Variants in ZNF354C observed in about 807,000 individuals in gnomAD.
ZNF354C encodes KRAB-zinc finger protein synten.
A neutral mutation model predicts 12.4 loss-of-function variants in ZNF354C; 7 were observed. That is an observed-to-expected ratio of 0.56 (90% CI 0.32 to 1.06). ZNF354C has a LOEUF of 1.06. Among genes scored for constraint, ZNF354C ranks in the 50% least tolerant of loss-of-function variants. The pLI is 0.04. For synonymous variants in ZNF354C, 202 were observed against 224.5 expected, an observed-to-expected ratio of 0.90 and a Z score of 0.90; for missense variants, 609 against 658.0, an observed-to-expected ratio of 0.93 and a Z score of 0.81.
At chr5:179,066,359 C>T (rs1033413156) in intron 2 of ZNF354C, among the ~76,000 whole-genome samples, 16 of 152,252 alleles carry the variant, frequency 1.1e-4, no homozygotes, top group African/African-American at 3.9e-4. Flanking sequence ...ACCCAATACA[C>T]TGTTACTATT....
At position 179,079,892 on chromosome 5, in the gene ZNF354C, A is replaced by C. The variant is rs1034580573; in HGVS notation, c.1460A>C (p.Glu487Ala). ...CAGTATTCATTTTTAACCGAACATG[A>C]GAGGATCCACACTGGAGAGAAACTG... ...FSQYSFLTEH[E>A]RIHTGEKLYK... Residue 487 changes from glutamate to alanine, a missense_variant, in exon 5 of 5, where the codon GAG becomes GCG. Coordinates refer to ENST00000315475, the MANE Select transcript of ZNF354C (RefSeq NM_014594.3). This position sits in a 1 kb window ranked among gnomAD's most constrained non-coding sequence, Gnocchi z 4.2. The C allele has an allele frequency of 6.2e-7, 1 of 1,613,798 alleles. No individual in the cohort carries two copies. The highest frequency in any genetic ancestry group is 8.5e-7 in the Non-Finnish European group (1 of 1,179,924).
Position 179,076,546 on chromosome 5 carries a change from G to A in ZNF354C, c.129G>A (p.Glu43=). The A allele has an allele frequency of 6.2e-7, 1 of 1,614,146 alleles. No homozygotes were observed. The part of the protein sequence containing the change: ...QRALYREVML[E]NYSSLVSLGI... ...CCTTGTACCGGGAGGTGATGCTGGAGAACTACAGCAGCCTGGTCTCACTGG... is the reference window on the plus strand; with the variant it reads ...CCTTGTACCGGGAGGTGATGCTGGAAAACTACAGCAGCCTGGTCTCACTGG... Residue 43 remains glutamate (E), a synonymous_variant, in exon 3 of 5, where the codon GAG becomes GAA. Transcript: ENST00000315475.
chr5:179,076,338 A>C, intron 2 of ZNF354C, 107 bp from the exon 3 acceptor site: 2 of 1,529,414 alleles, frequency 1.3e-6, no homozygotes, highest in Non-Finnish European at 1.8e-6. Flanking sequence ...GTTGACGTGA[A>C]TTATTAGAAT....
At chr5:179,077,544 G>C (rs1210071755) in intron 4 of ZNF354C, among the ~76,000 whole-genome samples, 1 of 152,166 alleles carries the variant, frequency 6.6e-6, no homozygotes, top group East Asian at 1.9e-4. Context: ...CCTACAAAGA[G>C]AGTGCAGTCT....
intron 3 of ZNF354C, 60 bp downstream of exon 3, chr5:179,076,631 T>C: frequency 6.3e-7 from 1 of 1,593,580 alleles, no homozygotes; most frequent in African/African-American, 1.3e-5. Context: ...GGTCCATCTT[T>C]GGGGTTCCGA....
intron 3 of ZNF354C, among the ~76,000 whole-genome samples, 163 bp downstream of exon 3, chr5:179,076,734 A>C (rs1351437503): frequency 1.3e-5 from 2 of 152,120 alleles, no homozygotes; most frequent in East Asian, 1.9e-4. Flanking sequence ...CCTTCTTGCT[A>C]TCTGTTTCTC....
intron 3 of ZNF354C, 64 bp from the exon 4 acceptor site, chr5:179,077,006 TA>T: frequency 7.2e-7 from 1 of 1,383,622 alleles, no homozygotes; most frequent in Non-Finnish European, 1.0e-6. Context: ...GAGTGAGTAG[TA>T]GGTCAGTTCT....
At chr5:179,064,310 C>T (rs1172998031) in intron 2 of ZNF354C, among the ~76,000 whole-genome samples, 5 of 152,048 alleles carry the variant, frequency 3.3e-5, no homozygotes, top group African/African-American at 9.7e-5. Context: ...GGTGCGATCT[C>T]GGCTCACTGC....
chr5:179,082,816 G>T lies in ZNF354C; in HGVS notation c.*2719G>T, dbSNP rs571062614. The T allele has an allele frequency of 2.3e-6, 3 of 1,320,698 alleles. No individual in the cohort carries two copies. Among genetic ancestry groups the T allele is most frequent in the South Asian group, 1.2e-5 (1 of 85,040 alleles). 81.8% of individuals were successfully genotyped at this position (1,320,698 alleles called of 1,614,324 possible). A position where few individuals can be genotyped will look rare whatever the true frequency, so the allele number is the denominator to read the frequency against. ...ATGTTCTTCAAGCGACTGACCAACC[G>T]ATCAGGTCGAGGAGCTGCAACAGCC... On this transcript the variant is annotated 3_prime_UTR_variant, in exon 5 of 5. Coordinates refer to ENST00000315475, the MANE Select transcript of ZNF354C (RefSeq NM_014594.3).
At chr5:179,065,551 G>C (rs1336315812) in intron 2 of ZNF354C, among the ~76,000 whole-genome samples, 1 of 152,044 alleles carries the variant, frequency 6.6e-6, no homozygotes, top group Non-Finnish European at 1.5e-5. Context: ...AAGTAGCTGG[G>C]ATTACAGACA....
chr5:179,073,947 G>C (rs1762080802), intron 2 of ZNF354C, among the ~76,000 whole-genome samples: 1 of 151,964 alleles, frequency 6.6e-6, no homozygotes, highest in East Asian at 1.9e-4. Flanking sequence ...GTGAGCCACT[G>C]AACCCAGCCA....
rs772011050 is a variant in ZNF354C at position 179,078,942 on chromosome 5, T to C, written c.510T>C (p.Phe170=). Residue 170 remains phenylalanine (F), a synonymous_variant, in exon 5 of 5, where the codon TTT becomes TTC. Transcript: ENST00000315475. ...HTSLELGKSL[F]TNTALVTQQS... Reference sequence around the variant, plus strand: ...GTCTTGAATTGGGGAAAAGCTTATTTACAAATACAGCTCTTGTCACACAAC... The same window carrying C: ...GTCTTGAATTGGGGAAAAGCTTATTCACAAATACAGCTCTTGTCACACAAC... 1 of 1,614,142 alleles carries C rather than the reference T, an allele frequency of 6.2e-7. No individual in the cohort carries two copies. The highest frequency in any genetic ancestry group is 1.1e-5 in the South Asian group (1 of 91,080).
intron 2 of ZNF354C, among the ~76,000 whole-genome samples, chr5:179,072,896 T>C (rs973993105): frequency 1.3e-5 from 2 of 152,212 alleles, no homozygotes; most frequent in Non-Finnish European, 2.9e-5. Context: ...AATAATCTGG[T>C]ATGTATTTTA....
chr5:179,074,399 A>T (rs955787671), intron 2 of ZNF354C, among the ~76,000 whole-genome samples: 1 of 151,136 alleles, frequency 6.6e-6, no homozygotes, highest in African/African-American at 2.4e-5. Context: ...AGGGGCTGGG[A>T]TTACAGGCGT....
At chr5:179,069,614 C>T (rs374138849) in intron 2 of ZNF354C, among the ~76,000 whole-genome samples, 8 of 149,152 alleles carry the variant, frequency 5.4e-5, no homozygotes, top group African/African-American at 2.0e-4. Flanking sequence ...GCCTGTAATC[C>T]CAGCACTTTG....
chr5:179,075,235 G>C (rs1762101890), intron 2 of ZNF354C, among the ~76,000 whole-genome samples: 1 of 151,322 alleles, frequency 6.6e-6, no homozygotes, highest in Admixed American at 6.6e-5. Context: ...CTCTAGCCTG[G>C]GCGACAGAGT....
intron 2 of ZNF354C, among the ~76,000 whole-genome samples, chr5:179,072,433 A>AT (rs1174238876): frequency 6.6e-6 from 1 of 152,174 alleles, no homozygotes; most frequent in African/African-American, 2.4e-5. Flanking sequence ...CAATTAAATG[A>AT]TATTAAAAGG....
chr5:179,067,210 G>A (rs1761968952), intron 2 of ZNF354C, among the ~76,000 whole-genome samples: 1 of 152,128 alleles, frequency 6.6e-6, no homozygotes, highest in Non-Finnish European at 1.5e-5. Context: ...AGCCTCAGTC[G>A]TTCACATGTC....
At chr5:179,071,562 A>G (rs972411188) in intron 2 of ZNF354C, among the ~76,000 whole-genome samples, 1 of 152,138 alleles carries the variant, frequency 6.6e-6, no homozygotes, top group Non-Finnish European at 1.5e-5. Context: ...ACACCTGTGT[A>G]TATTTGGAAG....
Sources: gnomAD v4.1 joint callset for allele counts (sites outside exome capture counted in the v4.1 genomes callset) on GRCh38, gnomAD v4.1.1 for gene constraint, Gnocchi (gnomAD v3.1) non-coding constraint, MANE v1.5 for transcripts, NCBI Gene and HGNC (gene_info 2026-07-23, HGNC 2026-07-21) for gene names.